The following PLB1 variants were observed in gnomAD, a reference collection of about 807,000 sequenced individuals.
PLB1 encodes the protein phospholipase B1, membrane-associated.
In PLB1, 242 loss-of-function variants were observed where a neutral mutation model predicts 227.4. That is an observed-to-expected ratio of 1.06 (90% CI 0.96 to 1.18). The LOEUF (loss-of-function observed/expected upper bound fraction) is 1.18, where lower values mean the gene tolerates loss of function less well. Ranked by LOEUF, PLB1 falls within the 50% of genes most tolerant of loss-of-function variation. PLB1 has a pLI of 0.00. For missense variants in PLB1, 1,858 were observed against 1,816.3 expected (o/e 1.02, Z -0.42); for synonymous variants, 757 against 682.2 (o/e 1.11, Z -1.71).
At chr2:28,569,082 A>T (rs568463578) in intron 20 of PLB1, among the ~76,000 whole-genome samples, 5 of 152,330 alleles carry the variant, frequency 3.3e-5, no homozygotes, top group Non-Finnish European at 5.9e-5. Flanking sequence ...AGTCCAGTCC[A>T]TCTGTGCTGA....
At position 28,601,301 on chromosome 2, in the gene PLB1, G is replaced by A. The variant is rs146498076; in HGVS notation, c.2576G>A (p.Gly859Asp). ...AAGGTCATCACAGTGCTGATCGGAG[G>A]CAGCGATTTATGTGACTACTGCACA... The part of the protein sequence containing the change: ...DWKVITVLIG[G>D]SDLCDYCTDS... The change falls in exon 37 of 58, where the codon GGC (glycine) becomes GAC (aspartate). Residue 859 changes from glycine (G) to aspartate (D), a missense_variant. By Grantham distance (94) the Gly-to-Asp change is moderately conservative. Coordinates refer to ENST00000327757, the MANE Select transcript of PLB1 (RefSeq NM_153021.5). The A allele has an allele frequency of 2.4e-4, 386 of 1,614,140 alleles. No homozygotes were observed. In the African/African-American group the frequency reaches 4.4e-3, roughly 18 times the overall value.
chr2:28,567,417 A>G (rs944072414), intron 20 of PLB1, among the ~76,000 whole-genome samples: 10 of 150,908 alleles, frequency 6.6e-5, no homozygotes, highest in African/African-American at 2.4e-4. Context: ...TTTGGGACTC[A>G]GCACTTTCCT....
intron 20 of PLB1, among the ~76,000 whole-genome samples, chr2:28,568,960 A>T (rs1677535825): frequency 6.6e-6 from 1 of 152,198 alleles, no homozygotes; most frequent in South Asian, 2.1e-4. Flanking sequence ...CTCCTAGGAC[A>T]AACCATTCCA....
Position 28,612,180 on chromosome 2 carries a change from C to T in PLB1, c.3130-1851C>T, listed in dbSNP as rs142750048. ...AGCAAGAAAGAAAGGATATCGGTTA[C>T]CTGTTTCAGACAGGAATGCTGAGAC... On this transcript the variant is annotated intron_variant, in intron 43 of 57. Coordinates refer to ENST00000327757, the MANE Select transcript of PLB1 (RefSeq NM_153021.5). Among the ~76,000 whole-genome samples, 303 of 152,236 alleles carry T rather than the reference C, an allele frequency of 2.0e-3. 3 individuals carry two copies. Among genetic ancestry groups the T allele is most frequent in the African/African-American group, 7.1e-3 (295 of 41,540 alleles).
chr2:28,620,727 G>A (rs1686923685), intron 48 of PLB1, 84 bp downstream of exon 48: 1 of 1,586,358 alleles, frequency 6.3e-7, no homozygotes. Flanking sequence ...GGGAAGAGGA[G>A]GTTATCTGCA....
At chr2:28,575,838 AC>A (rs1457150244) in intron 21 of PLB1, among the ~76,000 whole-genome samples, 15 of 152,328 alleles carry the variant, frequency 9.8e-5, no homozygotes, top group African/African-American at 3.6e-4. Flanking sequence ...GGTGTGAGCC[AC>A]TGTGCCCAGC....
At chr2:28,635,283 C>T (rs1260083946) in intron 56 of PLB1, among the ~76,000 whole-genome samples, 1 of 152,176 alleles carries the variant, frequency 6.6e-6, no homozygotes, top group African/African-American at 2.4e-5. Flanking sequence ...CTTTTCAGAT[C>T]GGCTTCTGGC....
Position 28,632,988 on chromosome 2 carries a change from C to G in PLB1, c.4047C>G (p.His1349Gln), listed in dbSNP as rs199696400. 50 of 1,613,996 alleles carry G rather than the reference C, an allele frequency of 3.1e-5. No individual in the cohort carries two copies. Among genetic ancestry groups the G allele is most frequent in the Non-Finnish European group, 4.2e-5 (49 of 1,180,034 alleles). Residue 1349 changes from histidine to glutamine, a missense_variant, in exon 56 of 58, where the codon CAC (histidine) becomes CAG (glutamine). By Grantham distance (24) the His-to-Gln change is conservative. Coordinates refer to ENST00000327757, the MANE Select transcript of PLB1 (RefSeq NM_153021.5). Reference protein sequence around the residue: ...DLTFFSEDCFHFSDRGHAEMA... With the variant: ...DLTFFSEDCFQFSDRGHAEMA... The stretch of plus-strand genomic sequence containing the variant: ...CCTTCTTCTCCGAGGACTGTTTTCA[C>G]TTCTCAGACCGCGGGCATGCCGAGA...
chr2:28,539,886 A>C (rs1274898895), intron 11 of PLB1, among the ~76,000 whole-genome samples: 1 of 151,620 alleles, frequency 6.6e-6, no homozygotes, highest in Non-Finnish European at 1.5e-5. Flanking sequence ...GTCACCCCCT[A>C]GGAAGAGCTT....
At chr2:28,538,984 G>A (rs1672091493) in intron 10 of PLB1, 115 bp from the exon 11 acceptor site, 1 of 792,008 alleles carries the variant, frequency 1.3e-6, no homozygotes, top group Non-Finnish European at 2.3e-6. Context: ...GTTAACCAAG[G>A]GGAGGCCCAT....
intron 50 of PLB1, 35 bp downstream of exon 50, chr2:28,625,143 G>GC: frequency 6.3e-7 from 1 of 1,591,834 alleles, no homozygotes; most frequent in Non-Finnish European, 8.6e-7. Flanking sequence ...CCTGAAAGGT[G>GC]CCCATCTCCT....
chr2:28,622,421 TGTA>T (rs1558939399), intron 49 of PLB1, among the ~76,000 whole-genome samples: 1 of 152,222 alleles, frequency 6.6e-6, no homozygotes, highest in African/African-American at 2.4e-5. Context: ...GTGAAAAGAA[TGTA>T]GTACCACACA....
intron 35 of PLB1, 130 bp downstream of exon 35, chr2:28,598,890 C>T: frequency 1.3e-6 from 1 of 757,768 alleles, no homozygotes; most frequent in Non-Finnish European, 2.3e-6. Context: ...AGGCTGCCCT[C>T]TTCCCTGCTG....
chr2:28,529,088 C>T (rs890652708), intron 6 of PLB1, among the ~76,000 whole-genome samples: 1 of 151,908 alleles, frequency 6.6e-6, no homozygotes, highest in African/African-American at 2.4e-5. Context: ...GCTATGACCA[C>T]AGGTGAGCAC....
intron 35 of PLB1, among the ~76,000 whole-genome samples, chr2:28,599,005 C>G (rs1683436504): frequency 6.6e-6 from 1 of 152,220 alleles, no homozygotes; most frequent in South Asian, 2.1e-4. Flanking sequence ...GCAGCATGTT[C>G]TCATAATTGG....
chr2:28,550,525 A>ATTT (rs34468949), intron 16 of PLB1, among the ~76,000 whole-genome samples: 1 of 132,210 alleles, frequency 7.6e-6, no homozygotes. Context: ...CCTCAATACA[A>ATTT]TTTTTTTTTT....
intron 9 of PLB1, among the ~76,000 whole-genome samples, chr2:28,536,273 T>C (rs1362690581): frequency 4.6e-5 from 7 of 152,212 alleles, no homozygotes; most frequent in African/African-American, 1.7e-4. Flanking sequence ...TGACAATGAC[T>C]CTGAAGGCAG....
chr2:28,520,826 T>C (rs1669430759), intron 4 of PLB1, among the ~76,000 whole-genome samples: 2 of 151,960 alleles, frequency 1.3e-5, no homozygotes, highest in Admixed American at 6.6e-5. Flanking sequence ...TAGAAAAAAA[T>C]TAGCCGGGCA....
chr2:28,630,547 G>T, intron 53 of PLB1, 39 bp from the exon 54 acceptor site: 1 of 1,573,742 alleles, frequency 6.4e-7, no homozygotes, highest in Non-Finnish European at 8.7e-7. Flanking sequence ...GAGCCACAGT[G>T]CCCCAGGCAG....
Sources: allele counts gnomAD v4.1 joint callset (sites outside exome capture counted in the v4.1 genomes callset), GRCh38; gene constraint gnomAD v4.1.1; transcripts MANE v1.5; gene names NCBI Gene and HGNC (gene_info 2026-07-23, HGNC 2026-07-21).